The following MAML3 variants were observed in gnomAD, a reference collection of about 807,000 sequenced individuals.
MAML3 encodes the protein mastermind like transcriptional coactivator 3.
MAML3 carries 27 observed loss-of-function variants against 101.9 expected under a neutral mutation model. The observed-to-expected ratio is 0.27, with a 90% CI of 0.20 to 0.37. MAML3 has a LOEUF of 0.37. Ranked by LOEUF, MAML3 falls within the 10% of genes least tolerant of loss-of-function variation. The pLI is 1.00. For synonymous variants in MAML3, 501 were observed against 555.9 expected, an observed-to-expected ratio of 0.90 and a Z score of 1.39; for missense variants, 1,316 against 1,444.9, an observed-to-expected ratio of 0.91 and a Z score of 1.45.
intron 2 of MAML3, among the ~76,000 whole-genome samples, chr4:139,805,503 A>G (rs576298584): frequency 6.6e-6 from 1 of 152,356 alleles, no homozygotes; most frequent in East Asian, 1.9e-4. Flanking sequence ...TTTCAGAAAC[A>G]GAAATAATTA....
chr4:139,968,923 AGCG>A (rs1734187203), intron 1 of MAML3, among the ~76,000 whole-genome samples: 1 of 152,100 alleles, frequency 6.6e-6, no homozygotes, highest in African/African-American at 2.4e-5. Flanking sequence ...CAAGCAGAGC[AGCG>A]TGCTGCCCCA....
At chr4:139,927,735 T>C (rs970037609) in intron 1 of MAML3, among the ~76,000 whole-genome samples, 3 of 127,714 alleles carry the variant, frequency 2.3e-5, no homozygotes, top group African/African-American at 8.6e-5. Context: ...CCTCTGTCTT[T>C]GGCCATGGGA....
chr4:139,930,985 A>AT (rs1048521207), intron 1 of MAML3, among the ~76,000 whole-genome samples: 5 of 152,156 alleles, frequency 3.3e-5, no homozygotes. Flanking sequence ...TCTAAAAAAA[A>AT]GGGGTAACAG....
At chr4:139,792,450 T>C (rs759528601) in intron 2 of MAML3, among the ~76,000 whole-genome samples, 9 of 152,228 alleles carry the variant, frequency 5.9e-5, no homozygotes, top group Non-Finnish European at 1.0e-4. Context: ...GGATCTGAGT[T>C]ACAAACATTC....
chr4:139,836,025 G>A (rs6836260), intron 2 of MAML3, among the ~76,000 whole-genome samples: 1 of 152,206 alleles, frequency 6.6e-6, no homozygotes, highest in African/African-American at 2.4e-5. Context: ...GACTGTGCAG[G>A]AGACAGCGGA....
chr4:139,852,812 G>T (rs555827730), intron 2 of MAML3, among the ~76,000 whole-genome samples: 2 of 152,078 alleles, frequency 1.3e-5, no homozygotes, highest in Non-Finnish European at 2.9e-5. Context: ...CAGCATTCTG[G>T]TTATGTCTCT....
chr4:140,011,341 TG>T (rs70943469), intron 1 of MAML3, among the ~76,000 whole-genome samples: 30,059 of 119,540 alleles, frequency 0.25, 6,686 homozygotes, highest in Non-Finnish European at 0.39. Flanking sequence ...TTTCTTGTTT[TG>T]TTTTTTTTTT....
intron 1 of MAML3, among the ~76,000 whole-genome samples, chr4:140,054,712 T>C (rs139330691): frequency 1.6e-3 from 240 of 152,338 alleles, no homozygotes; most frequent in Non-Finnish European, 2.5e-3. Context: ...TTAGTGTGTG[T>C]TTAATCTCGT....
At chr4:140,056,137 G>A (rs1274544391) in intron 1 of MAML3, among the ~76,000 whole-genome samples, 1 of 152,132 alleles carries the variant, frequency 6.6e-6, no homozygotes, top group African/African-American at 2.4e-5. Context: ...GCACTGGGGC[G>A]CCAGCTCCAT....
chr4:140,027,612 A>G (rs1451824639), intron 1 of MAML3, among the ~76,000 whole-genome samples: 1 of 152,184 alleles, frequency 6.6e-6, no homozygotes, highest in Non-Finnish European at 1.5e-5. Context: ...AAATTTAATG[A>G]ATGTGTTGTT....
At chr4:140,051,265 A>G (rs539726883) in intron 1 of MAML3, among the ~76,000 whole-genome samples, 2 of 152,136 alleles carry the variant, frequency 1.3e-5, no homozygotes, top group Non-Finnish European at 2.9e-5. Context: ...TATAAAATTA[A>G]TGGTTCAGGC....
At chr4:139,919,822 ACTTTT>A (rs1442970400) in intron 1 of MAML3, among the ~76,000 whole-genome samples, 2 of 152,192 alleles carry the variant, frequency 1.3e-5, no homozygotes, top group Non-Finnish European at 2.9e-5. Context: ...CAAGAGGCAG[ACTTTT>A]CTTCTATTTG....
At chr4:139,723,905 A>G (rs1472853577) in intron 4 of MAML3, among the ~76,000 whole-genome samples, 2 of 152,228 alleles carry the variant, frequency 1.3e-5, no homozygotes, top group Non-Finnish European at 1.5e-5. Flanking sequence ...GATTTACTGA[A>G]TCAGAAACAC....
chr4:140,031,794 G>A (rs1578651171), intron 1 of MAML3, among the ~76,000 whole-genome samples: 1 of 152,162 alleles, frequency 6.6e-6, no homozygotes, highest in Admixed American at 6.5e-5. Context: ...CTGCCAAGGT[G>A]CATCTGAAAA....
rs1191475853 is a variant in MAML3, at chr4:140,040,946, G to GT, written c.468+111913dup. On this transcript the variant is annotated intron_variant, in intron 1 of 4. Coordinates refer to ENST00000509479, the MANE Select transcript of MAML3 (RefSeq NM_018717.5). Reference sequence around the variant, plus strand: ...CAGAACTACAATTACTATTTAGCGAGTGTCTGACCCATTCTGCTTGTCTCT... The same window carrying GT: ...CAGAACTACAATTACTATTTAGCGAGTTGTCTGACCCATTCTGCTTGTCTCT... Among the ~76,000 whole-genome samples, 10 of 152,136 alleles carry GT rather than the reference G, an allele frequency of 6.6e-5. No homozygotes were observed. In the East Asian group the frequency reaches 1.9e-3, roughly 30 times the overall value.
At chr4:140,124,747 G>C (rs1728659595) in intron 1 of MAML3, among the ~76,000 whole-genome samples, 1 of 152,180 alleles carries the variant, frequency 6.6e-6, no homozygotes, top group Non-Finnish European at 1.5e-5. Context: ...CAGTCCTTTA[G>C]CTGGTAAACT....
At chr4:139,951,690 C>T (rs560740814) in intron 1 of MAML3, among the ~76,000 whole-genome samples, 57 of 152,162 alleles carry the variant, frequency 3.7e-4, no homozygotes, top group African/African-American at 1.3e-3. Context: ...CTCTCCAACA[C>T]TGAACTCAAC....
At chr4:139,921,606 G>T (rs1053492719) in intron 1 of MAML3, among the ~76,000 whole-genome samples, 2 of 152,106 alleles carry the variant, frequency 1.3e-5, no homozygotes, top group Non-Finnish European at 2.9e-5. Flanking sequence ...CTCTGCACAT[G>T]TCCCTAGCCA....
chr4:139,738,543 T>TCAAA (rs1367532508), intron 2 of MAML3, among the ~76,000 whole-genome samples: 1 of 152,114 alleles, frequency 6.6e-6, no homozygotes, highest in Non-Finnish European at 1.5e-5. Context: ...ACACTCTGTC[T>TCAAA]CAAACAAACA....
Sources: gnomAD v4.1 joint callset for allele counts (sites outside exome capture counted in the v4.1 genomes callset) on GRCh38, gnomAD v4.1.1 for gene constraint, MANE v1.5 for transcripts, NCBI Gene and HGNC (gene_info 2026-07-23, HGNC 2026-07-21) for gene names.